Variants in ARSG observed in about 807,000 individuals in gnomAD.
The protein encoded by ARSG is arylsulfatase G.
In ARSG, 37 loss-of-function variants were observed where a neutral mutation model predicts 50.5. The observed-to-expected ratio is 0.73, with a 90% CI of 0.56 to 0.96. ARSG has a LOEUF of 0.96. Among genes scored for constraint, ARSG ranks in the 50% least tolerant of loss-of-function variants. ARSG has a pLI of 0.00. For synonymous variants in ARSG, 225 were observed against 254.6 expected (o/e 0.88, Z 1.11); for missense variants, 629 against 675.3 (o/e 0.93, Z 0.76).
chr17:68,273,048 CTA>C (rs201389097), intron 1 of ARSG, among the ~76,000 whole-genome samples: 3,370 of 150,652 alleles, frequency 0.022, 50 homozygotes, highest in Middle Eastern at 0.065. Flanking sequence ...ATGGATGAAA[CTA>C]TTATTGCATG....
the ARSG span, chr17:68,430,039 G>A: frequency 2.0e-5 from 33 of 1,614,192 alleles, no homozygotes; most frequent in African/African-American, 1.3e-4. Flanking sequence ...AAGTTCAAGC[G>A]TGCAGTGGCA....
At position 68,395,089 on chromosome 17, in the gene ARSG, C is replaced by T. The variant is rs756694772; in HGVS notation, c.1108C>T (p.Pro370Ser). Residue 370 changes from proline to serine, a missense_variant, in exon 10 of 12, where the codon CCA becomes TCA. Pro to Ser is a moderately conservative substitution (Grantham distance 74). Transcript: ENST00000621439. ...TALLSVLDIF[P>S]TVVALAQASL... ...TTTCCGCAGCGTGCTGGACATTTTT[C>T]CAACTGTGGTAGCCCTGGCCCAGGC... 2.5e-6 allele frequency: 4 copies of T among 1,613,994 alleles called. No individual in the cohort carries two copies. In the East Asian group the frequency reaches 8.9e-5, roughly 36 times the overall value.
intron 1 of ARSG, among the ~76,000 whole-genome samples, chr17:68,301,150 G>A (rs2076402794): frequency 6.6e-6 from 1 of 151,580 alleles, no homozygotes; most frequent in Admixed American, 6.6e-5. Flanking sequence ...AATTACGTAA[G>A]TGAAATTGCT....
At chr17:68,396,153 C>T (rs771920234) in intron 10 of ARSG, among the ~76,000 whole-genome samples, 121 of 152,024 alleles carry the variant, frequency 8.0e-4, no homozygotes, top group Non-Finnish European at 2.1e-4. Flanking sequence ...GGACTACACC[C>T]TCCCGAGCCC....
chr17:68,333,617 A>G lies in ARSG; in HGVS notation c.219-9987A>G, dbSNP rs146721390. Among the ~76,000 whole-genome samples, 348 of 148,658 alleles carry G rather than the reference A, an allele frequency of 2.3e-3. 3 individuals carry two copies. The highest frequency in any genetic ancestry group is 8.1e-3 in the African/African-American group (330 of 40,542). On this transcript the variant is annotated intron_variant, in intron 2 of 11. Coordinates refer to ENST00000621439, the MANE Select transcript of ARSG (RefSeq NM_001267727.2). Reference sequence around the variant, plus strand: ...CACTCCAGCCTGGGCAACAAGGGCAAAACTCTGTCTCAAAAATAATAATAA... The same window carrying G: ...CACTCCAGCCTGGGCAACAAGGGCAGAACTCTGTCTCAAAAATAATAATAA...
chr17:68,394,031 A>T (rs913781786), intron 9 of ARSG, among the ~76,000 whole-genome samples: 11 of 151,966 alleles, frequency 7.2e-5, no homozygotes, highest in Non-Finnish European at 1.2e-4. Flanking sequence ...CATTGTTCAC[A>T]TGGCCATTGT....
chr17:68,356,641 C>G (rs144754339), intron 5 of ARSG, 26 bp from the exon 6 acceptor site: 3 of 1,613,918 alleles, frequency 1.9e-6, no homozygotes, highest in East Asian at 4.5e-5. Flanking sequence ...GAAATGAATA[C>G]TCTATGGTCT....
At chr17:68,305,902 C>A (rs1016691018) in intron 1 of ARSG, among the ~76,000 whole-genome samples, 1 of 151,984 alleles carries the variant, frequency 6.6e-6, no homozygotes, top group Non-Finnish European at 1.5e-5. Context: ...ATGGTGAAAC[C>A]CCGTTTCTAC....
intron 2 of ARSG, among the ~76,000 whole-genome samples, chr17:68,335,205 C>A (rs2077959733): frequency 6.6e-6 from 1 of 151,956 alleles, no homozygotes; most frequent in African/African-American, 2.4e-5. Context: ...CCTATATTGC[C>A]CAGGCTGGGT....
chr17:68,369,340 G>T (rs2079708272), intron 7 of ARSG, among the ~76,000 whole-genome samples: 1 of 152,184 alleles, frequency 6.6e-6, no homozygotes, highest in African/African-American at 2.4e-5. Flanking sequence ...AGGAGTTCGA[G>T]ACCAGCCTGG....
Position 68,271,553 on chromosome 17 carries a change from T to C in ARSG, c.-552+12127T>C. 1.2e-6 allele frequency: 2 copies of C among 1,614,238 alleles called. No individual in the cohort carries two copies. The highest frequency in any genetic ancestry group is 8.5e-7 in the Non-Finnish European group (1 of 1,180,038). On this transcript the variant is annotated intron_variant, in intron 1 of 11. Transcript: ENST00000448504. The surrounding 1 kb of genome is among the most constrained non-coding windows in gnomAD (Gnocchi z 5.3). Reference sequence around the variant, plus strand: ...GGTGACGCTGGTCCTCTGATAAAGATGGGTCTGAGCAGTGCTCCGAAGATG... The same window carrying C: ...GGTGACGCTGGTCCTCTGATAAAGACGGGTCTGAGCAGTGCTCCGAAGATG...
intron 4 of ARSG, among the ~76,000 whole-genome samples, chr17:68,348,557 C>G (rs532324635): frequency 2.6e-5 from 4 of 152,136 alleles, no homozygotes; most frequent in Non-Finnish European, 5.9e-5. Flanking sequence ...CTTACATCCT[C>G]TCTGCGGTGC....
chr17:68,410,754 G>C (rs1172593526), intron 11 of ARSG, among the ~76,000 whole-genome samples: 2 of 152,082 alleles, frequency 1.3e-5, no homozygotes, highest in African/African-American at 4.8e-5. Flanking sequence ...ATCTGGTCCT[G>C]GACTCTTTTT....
chr17:68,405,403 C>G (rs2081666272), intron 11 of ARSG, among the ~76,000 whole-genome samples: 1 of 152,026 alleles, frequency 6.6e-6, no homozygotes, highest in Non-Finnish European at 1.5e-5. Flanking sequence ...AAGTCTTTCA[C>G]TTTTTTGTGT....
At position 68,356,660 on chromosome 17, in the gene ARSG, C is replaced by T. The variant is rs2079045626; in HGVS notation, c.567-7C>T. ...TGAATACTCTATGGTCTGTGGTTTCCACACAGGAACCTTCAAAGAGACTGT... is the reference window on the plus strand; with the variant it reads ...TGAATACTCTATGGTCTGTGGTTTCTACACAGGAACCTTCAAAGAGACTGT... On this transcript the variant is annotated splice_region_variant and splice_polypyrimidine_tract_variant and intron_variant, in intron 5 of 11. Coordinates refer to ENST00000621439, the MANE Select transcript of ARSG (RefSeq NM_001267727.2). 2 of 1,614,166 alleles carry T rather than the reference C, an allele frequency of 1.2e-6. No homozygotes were observed. The highest frequency in any genetic ancestry group is 1.6e-4 in the Middle Eastern group (1 of 6,062).
intron 1 of ARSG, among the ~76,000 whole-genome samples, chr17:68,260,791 C>A (rs2075060349): frequency 6.6e-6 from 1 of 152,042 alleles, no homozygotes; most frequent in African/African-American, 2.4e-5. Flanking sequence ...CCATGGCCGG[C>A]CAAGAGTTGC....
intron 2 of ARSG, among the ~76,000 whole-genome samples, chr17:68,321,969 A>G (rs578118407): frequency 1.3e-5 from 2 of 152,248 alleles, no homozygotes; most frequent in African/African-American, 4.8e-5. Flanking sequence ...AGGAGGGGGA[A>G]AAAAGGTGAC....
At chr17:68,286,051 G>A (rs953316301) in intron 1 of ARSG, among the ~76,000 whole-genome samples, 15 of 152,244 alleles carry the variant, frequency 9.9e-5, no homozygotes, top group Admixed American at 3.9e-4. Flanking sequence ...GAGCCACCGC[G>A]CCTGGCATAA....
chr17:68,277,032 T>A (rs943774301), intron 1 of ARSG, among the ~76,000 whole-genome samples: 5 of 152,322 alleles, frequency 3.3e-5, no homozygotes, highest in African/African-American at 9.6e-5. Context: ...TATTTGTAAT[T>A]TCACCTTATC....
Sources: allele counts gnomAD v4.1 joint callset (sites outside exome capture counted in the v4.1 genomes callset), GRCh38; gene constraint gnomAD v4.1.1; non-coding constraint Gnocchi (gnomAD v3.1); transcripts MANE v1.5; gene names NCBI Gene and HGNC (gene_info 2026-07-23, HGNC 2026-07-21).